The following EYS variants were observed in gnomAD, a reference collection of about 807,000 sequenced individuals.
EYS encodes EGF-like photoreceptor maintenance factor.
In EYS, 250 loss-of-function variants were observed where a neutral mutation model predicts 282.1. That is an observed-to-expected ratio of 0.89 (90% CI 0.80 to 0.98). The LOEUF (loss-of-function observed/expected upper bound fraction) is 0.98. Among genes scored for constraint, EYS ranks in the 50% least tolerant of loss-of-function variants. EYS has a pLI of 0.00. For missense variants in EYS, 4,016 were observed against 3,709.0 expected (o/e 1.08, Z -2.15); for synonymous variants, 1,355 against 1,282.9 (o/e 1.06, Z -1.20).
At chr6:64,852,727 T>C (rs1219342096) in intron 19 of EYS, among the ~76,000 whole-genome samples, 1 of 152,088 alleles carries the variant, frequency 6.6e-6, no homozygotes, top group Non-Finnish European at 1.5e-5. Context: ...AAATGGCATG[T>C]GCACATGGGA....
intron 2 of EYS, among the ~76,000 whole-genome samples, chr6:65,611,418 T>TC (rs1765995851): frequency 6.6e-6 from 1 of 152,030 alleles, no homozygotes; most frequent in East Asian, 1.9e-4. Context: ...AATATGGGTA[T>TC]ATAAGAAAGA....
At position 65,186,125 on chromosome 6, in the gene EYS, A is replaced by G. The variant is rs924460464; in HGVS notation, c.2023+109738T>C. On this transcript the variant is annotated intron_variant, in intron 12 of 42. Coordinates refer to ENST00000503581, the MANE Select transcript of EYS (RefSeq NM_001142800.2). ...AGATAATCTGTCTTAGATATTATCTATTAGCTAACATTTTCACTGATTATT... is the reference window on the plus strand; with the variant it reads ...AGATAATCTGTCTTAGATATTATCTGTTAGCTAACATTTTCACTGATTATT... Among the ~76,000 whole-genome samples the G allele has an allele frequency of 5.3e-5, 8 of 151,844 alleles. No homozygotes were observed. In the East Asian group the frequency reaches 9.8e-4, roughly 19 times the overall value.
intron 26 of EYS, among the ~76,000 whole-genome samples, chr6:64,516,476 A>G (rs1278875343): frequency 1.3e-5 from 2 of 151,824 alleles, no homozygotes; most frequent in African/African-American, 4.8e-5. Flanking sequence ...TTTCAAAATA[A>G]TATTTTTTTT....
intron 12 of EYS, among the ~76,000 whole-genome samples, chr6:65,194,692 T>G (rs1224768950): frequency 7.9e-5 from 12 of 151,918 alleles, no homozygotes; most frequent in African/African-American, 1.2e-4. Flanking sequence ...GAGAATTCCT[T>G]GAGAACAGCG....
At chr6:65,602,962 T>C (rs1360019492) in intron 2 of EYS, among the ~76,000 whole-genome samples, 1 of 151,984 alleles carries the variant, frequency 6.6e-6, no homozygotes, top group Admixed American at 6.6e-5. Context: ...AGTAGTAGAC[T>C]GATTGTAAGC....
intron 12 of EYS, among the ~76,000 whole-genome samples, chr6:65,192,235 G>A (rs915338797): frequency 2.0e-5 from 3 of 150,538 alleles, no homozygotes; most frequent in East Asian, 2.0e-4. Flanking sequence ...AATATGGATA[G>A]CATTTCCCAG....
intron 14 of EYS, among the ~76,000 whole-genome samples, chr6:64,952,985 T>C (rs1242825822): frequency 6.6e-6 from 1 of 151,912 alleles, no homozygotes; most frequent in Admixed American, 6.6e-5. Context: ...AATATAGTCA[T>C]GGAGGATATT....
At chr6:65,144,110 TA>T (rs916894063) in intron 12 of EYS, among the ~76,000 whole-genome samples, 2 of 152,118 alleles carry the variant, frequency 1.3e-5, no homozygotes, top group African/African-American at 4.8e-5. Flanking sequence ...CAATGCCTGC[TA>T]AACTTTTGTC....
intron 15 of EYS, among the ~76,000 whole-genome samples, chr6:64,929,820 C>T (rs1322509724): frequency 1.3e-5 from 2 of 152,140 alleles, no homozygotes; most frequent in Non-Finnish European, 2.9e-5. Flanking sequence ...TAAGCAGGAT[C>T]AGATGATGAT....
chr6:64,807,875 T>C (rs532338266), intron 22 of EYS, among the ~76,000 whole-genome samples: 35 of 152,226 alleles, frequency 2.3e-4, no homozygotes, highest in Non-Finnish European at 4.4e-4. Context: ...ATACTGCCTA[T>C]GTATTTGTCC....
intron 35 of EYS, among the ~76,000 whole-genome samples, chr6:63,914,948 T>C (rs1192645279): frequency 6.6e-6 from 1 of 152,198 alleles, no homozygotes; most frequent in Non-Finnish European, 1.5e-5. Context: ...GCCATCTCTA[T>C]AACGTTAAAG....
intron 22 of EYS, among the ~76,000 whole-genome samples, chr6:64,686,513 G>A (rs769568258): frequency 9.3e-5 from 14 of 150,914 alleles, no homozygotes; most frequent in Admixed American, 1.3e-4. Flanking sequence ...AGGCCGAGGC[G>A]GGCGGATCAC....
chr6:63,955,339 C>A (rs1765770263), intron 35 of EYS, among the ~76,000 whole-genome samples: 1 of 152,178 alleles, frequency 6.6e-6, no homozygotes, highest in African/African-American at 2.4e-5. Context: ...TAACTGATAT[C>A]TCCTGGTTTT....
rs1440965219 is a variant in EYS at position 63,727,727 on chromosome 6, A to T, written c.8072-1047T>A. On this transcript the variant is annotated intron_variant, in intron 41 of 42. Transcript: ENST00000503581. ...CTCTCAAAAAAAAAAAAAAAAAAAA[A>T]AAAAAAAAAAATATATATATATATG... 5.5e-3 allele frequency among the ~76,000 whole-genome samples: 339 copies of T among 61,634 alleles called. 10 individuals are homozygous for T. The highest frequency in any genetic ancestry group is 0.031 in the African/African-American group (243 of 7,850). The allele number at this position is 61,634 out of a possible 152,430, so 40.4% of individuals were successfully genotyped here.
At chr6:65,598,777 C>A (rs1582501787) in intron 2 of EYS, among the ~76,000 whole-genome samples, 2 of 152,028 alleles carry the variant, frequency 1.3e-5, no homozygotes, top group Admixed American at 6.6e-5. Flanking sequence ...GTAGCTGGAG[C>A]CAAACTATCT....
chr6:64,693,020 A>AT (rs35133755), intron 22 of EYS, among the ~76,000 whole-genome samples: 12 of 97,202 alleles, frequency 1.2e-4, no homozygotes, highest in African/African-American at 4.4e-4. Context: ...GAATTTTAGA[A>AT]TTTTTTTTTT....
intron 12 of EYS, among the ~76,000 whole-genome samples, chr6:65,221,429 G>C (rs1766462382): frequency 6.6e-6 from 1 of 152,212 alleles, no homozygotes; most frequent in African/African-American, 2.4e-5. Context: ...GGGCAACATA[G>C]AGCTCAGGCC....
chr6:65,608,028 GGA>G (rs1351569971), intron 2 of EYS, among the ~76,000 whole-genome samples: 1 of 152,034 alleles, frequency 6.6e-6, no homozygotes, highest in Admixed American at 6.6e-5. Flanking sequence ...TTGATTTTGT[GGA>G]GGAAACACAT....
chr6:65,451,502 A>G (rs1475217112), intron 5 of EYS, among the ~76,000 whole-genome samples: 1 of 152,084 alleles, frequency 6.6e-6, no homozygotes, highest in African/African-American at 2.4e-5. Context: ...TGAAAGATAC[A>G]CAATCACAGA....
Sources: gnomAD v4.1 joint callset for allele counts (sites outside exome capture counted in the v4.1 genomes callset) on GRCh38, gnomAD v4.1.1 for gene constraint, MANE v1.5 for transcripts, NCBI Gene and HGNC (gene_info 2026-07-23, HGNC 2026-07-21) for gene names.